The following NUP98 variants were observed in gnomAD, a reference collection of about 807,000 sequenced individuals.
The protein encoded by NUP98 is nuclear pore complex protein Nup98-Nup96.
Under a neutral mutation model 191.9 loss-of-function variants are expected in NUP98, and 26 were observed. That is an observed-to-expected ratio of 0.14 (90% confidence interval 0.10 to 0.19). The LOEUF (loss-of-function observed/expected upper bound fraction) is 0.19. Ranked by LOEUF, NUP98 falls within the 10% of genes least tolerant of loss-of-function variation. The probability of loss-of-function intolerance (pLI) is 1.00; values close to 1 mark genes in which losing one functional copy is unlikely to be tolerated. For missense variants in NUP98, 1,941 were observed against 2,178.8 expected, an observed-to-expected ratio of 0.89 and a Z score of 2.17; for synonymous variants, 808 against 778.4, an observed-to-expected ratio of 1.04 and a Z score of -0.63.
intron 17 of NUP98, among the ~76,000 whole-genome samples, chr11:3,720,475 C>G (rs890703601): frequency 6.6e-6 from 1 of 151,638 alleles, no homozygotes; most frequent in Non-Finnish European, 1.5e-5. Flanking sequence ...TTGAGATCTG[C>G]CAGGCAATGT....
chr11:3,681,707 C>T (rs1315357891), intron 30 of NUP98, among the ~76,000 whole-genome samples: 1 of 151,936 alleles, frequency 6.6e-6, no homozygotes, highest in Non-Finnish European at 1.5e-5. Context: ...TTTGTTTTTC[C>T]GTTTACAGAG....
At chr11:3,793,748 A>C (rs574758558) in intron 1 of NUP98, among the ~76,000 whole-genome samples, 4 of 152,036 alleles carry the variant, frequency 2.6e-5, no homozygotes, top group African/African-American at 7.2e-5. Context: ...AAGCGGGTGG[A>C]TTGCTTGAGG....
chr11:3,734,022 T>C (rs992114963), intron 13 of NUP98, among the ~76,000 whole-genome samples: 4 of 151,902 alleles, frequency 2.6e-5, no homozygotes, highest in African/African-American at 4.8e-5. Context: ...TTTAAGAACA[T>C]AGTAAGATCC....
At chr11:3,767,930 A>G (rs1231314699) in intron 8 of NUP98, among the ~76,000 whole-genome samples, 1 of 152,008 alleles carries the variant, frequency 6.6e-6, no homozygotes, top group Non-Finnish European at 1.5e-5. Context: ...ATGAATAAGT[A>G]TTTTCTCCTA....
chr11:3,734,722 T>C (rs997315319), intron 13 of NUP98, among the ~76,000 whole-genome samples: 1 of 152,120 alleles, frequency 6.6e-6, no homozygotes, highest in African/African-American at 2.4e-5. Context: ...CTTAAGAGCA[T>C]TATGATTTGA....
chr11:3,700,766 T>C lies in NUP98; in HGVS notation c.3586A>G (p.Lys1196Glu). Reference sequence around the variant, plus strand: ...AGCTCCAGAGGTGTCTGATATAATTTCATGTCTTCATCTGGCTTTCTTTGT... The same window carrying C: ...AGCTCCAGAGGTGTCTGATATAATTCCATGTCTTCATCTGGCTTTCTTTGT... ...LRQRKPDEDMKLYQTPLELKL... is the reference protein window; with the variant it reads ...LRQRKPDEDMELYQTPLELKL... The change falls in exon 24 of 33, where the codon AAA (lysine) becomes GAA (glutamate). Residue 1196 changes from lysine (K) to glutamate (E), a missense_variant. Around this residue, in one of 6 missense-constraint regions of NUP98, gnomAD observed 1,030 missense variants for 1,115.8 expected, o/e 0.92. Transcript: ENST00000324932. 2 of 1,614,190 alleles carry C rather than the reference T, an allele frequency of 1.2e-6. No homozygotes were observed. Among genetic ancestry groups the C allele is most frequent in the Admixed American group, 1.7e-5 (1 of 60,020 alleles).
intron 26 of NUP98, among the ~76,000 whole-genome samples, chr11:3,694,566 CT>C (rs1458681346): frequency 3.3e-5 from 5 of 151,430 alleles, no homozygotes; most frequent in African/African-American, 1.2e-4. Flanking sequence ...TGGTGAAACC[CT>C]GTCTCTACTT....
chr11:3,745,413 G>A (rs2080454140), intron 11 of NUP98, among the ~76,000 whole-genome samples: 4 of 152,098 alleles, frequency 2.6e-5, no homozygotes, highest in Admixed American at 2.6e-4. Flanking sequence ...AGAGTGGTTG[G>A]ACTAAGAACT....
intron 14 of NUP98, among the ~76,000 whole-genome samples, chr11:3,725,724 T>A (rs1463516855): frequency 6.6e-6 from 1 of 152,240 alleles, no homozygotes; most frequent in Non-Finnish European, 1.5e-5. Flanking sequence ...GAGAATTTTT[T>A]AAAAACATGA....
At chr11:3,677,837 A>G (rs1451270248) in intron 31 of NUP98, among the ~76,000 whole-genome samples, 1 of 152,234 alleles carries the variant, frequency 6.6e-6, no homozygotes. Flanking sequence ...AATTATGTCT[A>G]TTATGTGCCA....
chr11:3,752,399 C>T (rs2080795441), intron 11 of NUP98, among the ~76,000 whole-genome samples: 1 of 151,586 alleles, frequency 6.6e-6, no homozygotes, highest in South Asian at 2.1e-4. Context: ...CACCTGTAAT[C>T]CCAGCTACTA....
intron 2 of NUP98, 63 bp downstream of exon 2, chr11:3,781,979 T>A (rs1429137033): frequency 1.9e-6 from 2 of 1,063,550 alleles, no homozygotes; most frequent in African/African-American, 1.6e-5. Flanking sequence ...CTTATCAGAG[T>A]GGATTTGTTC....
intron 18 of NUP98, among the ~76,000 whole-genome samples, chr11:3,714,592 A>AT (rs1411657586): frequency 1.3e-5 from 2 of 152,168 alleles, no homozygotes; most frequent in Non-Finnish European, 1.5e-5. Context: ...CCCCTGGCAA[A>AT]TACTACTCTA....
rs1231182640 is a variant in NUP98, at chr11:3,676,493, G to T, written c.5185+16C>A. ...GAAGCAAGAAGGCAGAAAGAGTGAG[G>T]AGGTTAGAGGCTTACCTGACTGAGC... On this transcript the variant is annotated intron_variant, in intron 32 of 32. Transcript: ENST00000324932. 6.2e-7 allele frequency: 1 copy of T among 1,608,176 alleles called. No homozygotes were observed. Among genetic ancestry groups the T allele is most frequent in the African/African-American group, 1.3e-5 (1 of 74,896 alleles).
intron 10 of NUP98, among the ~76,000 whole-genome samples, chr11:3,756,285 C>T (rs1190584987): frequency 1.3e-5 from 2 of 152,200 alleles, no homozygotes; most frequent in African/African-American, 2.4e-5. Flanking sequence ...TTATACCACA[C>T]ATTTCCTCCG....
Position 3,797,381 on chromosome 11 carries a change from G to A in NUP98, c.-29+19C>T. ...AAACCTGCCGGTCTCGGCCGCTGCA[G>A]CTCGGGCTCCCGACTTACCGCGGTT... On this transcript the variant is annotated intron_variant, in intron 1 of 32. Coordinates refer to ENST00000324932, the MANE Select transcript of NUP98 (RefSeq NM_016320.5). 1 of 402,498 alleles carries A rather than the reference G, an allele frequency of 2.5e-6. No homozygotes were observed. Among genetic ancestry groups the A allele is most frequent in the East Asian group, 3.6e-5 (1 of 28,054 alleles). The allele number at this position is 402,498 out of a possible 1,614,324, so 24.9% of individuals were successfully genotyped here.
At chr11:3,692,994 A>T in intron 27 of NUP98, 1 of 417,014 alleles carries the variant, frequency 2.4e-6, no homozygotes. Context: ...CAAAGAAGTA[A>T]GACAGCATTA....
At position 3,706,639 on chromosome 11, in the gene NUP98, AG is replaced by A. The variant is rs2078870675; in HGVS notation, c.2743-13del. On this transcript the variant is annotated splice_polypyrimidine_tract_variant and intron_variant, in intron 20 of 32. Coordinates refer to ENST00000324932, the MANE Select transcript of NUP98 (RefSeq NM_016320.5). Reference sequence around the variant, plus strand: ...TCTGGGCTCTGGCTCTGTAGACAGCAGAAAGATCAGGAAAGCAGCATTAAAT... The same window carrying A: ...TCTGGGCTCTGGCTCTGTAGACAGCAAAAGATCAGGAAAGCAGCATTAAAT... The A allele has an allele frequency of 6.2e-7, 1 of 1,610,906 alleles. No individual in the cohort carries two copies. Among genetic ancestry groups the A allele is most frequent in the Non-Finnish European group, 8.5e-7 (1 of 1,178,592 alleles).
At chr11:3,772,474 C>T (rs1335028648) in intron 6 of NUP98, among the ~76,000 whole-genome samples, 2 of 152,122 alleles carry the variant, frequency 1.3e-5, no homozygotes, top group Non-Finnish European at 2.9e-5. Context: ...AAACTAACTT[C>T]ATGCAACAAC....
Sources: gnomAD v4.1 joint callset for allele counts (sites outside exome capture counted in the v4.1 genomes callset) on GRCh38, gnomAD v4.1.1 for gene constraint, gnomAD v4.1.1 regional missense constraint, MANE v1.5 for transcripts, NCBI Gene and HGNC (gene_info 2026-07-23, HGNC 2026-07-21) for gene names.